FBP1: variants seen among roughly 807,000 people sequenced by gnomAD.
FBP1 encodes the protein fructose-1,6-bisphosphatase 1.
Under a neutral mutation model 29.9 loss-of-function variants are expected in FBP1, and 22 were observed. That is an observed-to-expected ratio of 0.74 (90% CI 0.53 to 1.05). The LOEUF is 1.05. Ranked by LOEUF, FBP1 falls within the 50% of genes least tolerant of loss-of-function variation. FBP1 has a pLI of 0.00. For missense variants in FBP1, 345 were observed against 448.2 expected, an observed-to-expected ratio of 0.77 and a Z score of 2.08; for synonymous variants, 175 against 178.6, an observed-to-expected ratio of 0.98 and a Z score of 0.16.
intron 1 of FBP1, among the ~76,000 whole-genome samples, chr9:94,623,188 T>A (rs1223458247): frequency 1.3e-5 from 2 of 152,110 alleles, no homozygotes; most frequent in Non-Finnish European, 2.9e-5. Flanking sequence ...TTTCACCATG[T>A]TGGCCAGGCT....
At chr9:94,639,782 A>G (rs1828259375), upstream of FBP1, among the ~76,000 whole-genome samples, 1 of 148,336 alleles carries the variant, frequency 6.7e-6, no homozygotes, top group Non-Finnish European at 1.5e-5. Context: ...GACTCGGGCC[A>G]TCGGACTCTG....
chr9:94,616,978 G>C (rs1207286242), intron 3 of FBP1, among the ~76,000 whole-genome samples: 1 of 151,814 alleles, frequency 6.6e-6, no homozygotes, highest in Non-Finnish European at 1.5e-5. Flanking sequence ...CTGGAGGAGG[G>C]GTGACTGCCC....
intron 1 of FBP1, among the ~76,000 whole-genome samples, chr9:94,635,100 A>C (rs1036606586): frequency 2.0e-5 from 3 of 151,858 alleles, no homozygotes; most frequent in East Asian, 1.9e-4. Context: ...AAAAAAAAAA[A>C]AAAAAAAAAA....
At chr9:94,637,165 C>G (rs145190911) in intron 1 of FBP1, among the ~76,000 whole-genome samples, 110 of 152,266 alleles carry the variant, frequency 7.2e-4, no homozygotes, top group African/African-American at 2.5e-3. Flanking sequence ...GAGTCATCAC[C>G]TTCCTTAACA....
At chr9:94,629,074 C>T (rs1049821781) in intron 1 of FBP1, among the ~76,000 whole-genome samples, 1 of 152,174 alleles carries the variant, frequency 6.6e-6, no homozygotes, top group African/African-American at 2.4e-5. Context: ...CTCCCCCTCC[C>T]GGGTTCAAGC....
chr9:94,625,555 G>T (rs1001095432), intron 1 of FBP1, among the ~76,000 whole-genome samples: 1 of 152,128 alleles, frequency 6.6e-6, no homozygotes, highest in Non-Finnish European at 1.5e-5. Context: ...CAGCACTTTG[G>T]GAGGCCGAGG....
Position 94,620,354 on chromosome 9 carries a change from G to A in FBP1, c.308C>T (p.Ala103Val), listed in dbSNP as rs1310878403. 1 of 1,614,200 alleles carries A rather than the reference G, an allele frequency of 6.2e-7. No individual in the cohort carries two copies. Among genetic ancestry groups the A allele is most frequent in the Admixed American group, 1.7e-5 (1 of 60,022 alleles). The change falls in exon 2 of 7, where the codon GCC becomes GTC. Residue 103 changes from alanine (A) to valine (V), a missense_variant. By Grantham distance (64) the Ala-to-Val change is moderately conservative. Coordinates refer to ENST00000375326, the MANE Select transcript of FBP1 (RefSeq NM_000507.4). The stretch of plus-strand genomic sequence containing the variant: ...CCTTTTCTCCGGTTCCACTATGATG[G>A]CGTGTTTATCTTCTTCTGACACGAG... ...CVLVSEEDKHAIIVEPEKRGK... is the reference protein window; with the variant it reads ...CVLVSEEDKHVIIVEPEKRGK...
intron 3 of FBP1, among the ~76,000 whole-genome samples, chr9:94,616,631 A>G (rs1257887800): frequency 6.6e-6 from 1 of 151,760 alleles, no homozygotes; most frequent in Non-Finnish European, 1.5e-5. Flanking sequence ...ACGGGGTTTC[A>G]CAGTGTTAGC....
At chr9:94,621,530 G>A (rs2131491183) in intron 1 of FBP1, among the ~76,000 whole-genome samples, 1 of 152,236 alleles carries the variant, frequency 6.6e-6, no homozygotes, top group South Asian at 2.1e-4. Flanking sequence ...ATGGTGCCCT[G>A]CACACTTTTG....
chr9:94,632,472 A>G (rs1172918218), intron 1 of FBP1, among the ~76,000 whole-genome samples: 3 of 152,322 alleles, frequency 2.0e-5, no homozygotes, highest in East Asian at 3.9e-4. Context: ...GTTCAAGACC[A>G]GACTGGCCAA....
chr9:94,614,866 CTG>C (rs1439156994), intron 3 of FBP1, among the ~76,000 whole-genome samples: 2 of 152,142 alleles, frequency 1.3e-5, no homozygotes, highest in Non-Finnish European at 2.9e-5. Context: ...ACTTAGAGGT[CTG>C]TGTCATACTC....
intron 1 of FBP1, among the ~76,000 whole-genome samples, chr9:94,629,042 C>A (rs1170114045): frequency 6.6e-6 from 1 of 152,126 alleles, no homozygotes; most frequent in African/African-American, 2.4e-5. Flanking sequence ...AGTGCAATGG[C>A]GAGATCTTGG....
upstream of FBP1, chr9:94,639,572 G>A (rs1023533798): frequency 3.5e-6 from 2 of 573,244 alleles, no homozygotes; most frequent in Non-Finnish European, 6.2e-6. Flanking sequence ...TCGGCCCCCC[G>A]CCCCCGGGAA....
chr9:94,614,675 G>A (rs1440341409), intron 3 of FBP1, among the ~76,000 whole-genome samples: 1 of 152,200 alleles, frequency 6.6e-6, no homozygotes, highest in Admixed American at 6.5e-5. Context: ...CAGGGTCACA[G>A]TTACTGATGC....
intron 3 of FBP1, among the ~76,000 whole-genome samples, chr9:94,613,198 A>G (rs1385265265): frequency 6.6e-6 from 1 of 152,164 alleles, no homozygotes; most frequent in Non-Finnish European, 1.5e-5. Flanking sequence ...ATTGCAAGTT[A>G]GAGTATGTCC....
intron 4 of FBP1, among the ~76,000 whole-genome samples, chr9:94,608,875 T>C (rs1827739838): frequency 6.6e-6 from 1 of 152,078 alleles, no homozygotes; most frequent in African/African-American, 2.4e-5. Context: ...TTACACATAG[T>C]TCACTAATGT....
chr9:94,609,034 C>T (rs930611314), intron 4 of FBP1, among the ~76,000 whole-genome samples: 1 of 152,036 alleles, frequency 6.6e-6, no homozygotes, highest in Non-Finnish European at 1.5e-5. Flanking sequence ...AACCCCGTCT[C>T]TACTAAAAAT....
intron 1 of FBP1, among the ~76,000 whole-genome samples, chr9:94,621,413 A>G (rs1366104524): frequency 1.4e-5 from 2 of 145,700 alleles, no homozygotes; most frequent in African/African-American, 2.8e-5. Context: ...ATATATTTTT[A>G]GAAGAAAGGA....
intron 3 of FBP1, among the ~76,000 whole-genome samples, chr9:94,616,878 TCTCCTCCCTCTCCTCCTC>T (rs1297741363): frequency 6.6e-6 from 1 of 151,790 alleles, no homozygotes; most frequent in Non-Finnish European, 1.5e-5. Flanking sequence ...TCCCTCTCCC[TCTCCTCCCTCTCCTCCTC>T]CTCCTCCCTC....
Sources: gnomAD v4.1 joint callset for allele counts (sites outside exome capture counted in the v4.1 genomes callset) on GRCh38, gnomAD v4.1.1 for gene constraint, MANE v1.5 for transcripts, NCBI Gene and HGNC (gene_info 2026-07-23, HGNC 2026-07-21) for gene names.